Variants in IL17RD observed in about 807,000 individuals in gnomAD.
IL17RD encodes interleukin-17 receptor D.
A neutral mutation model predicts 80.5 loss-of-function variants in IL17RD; 52 were observed. The observed-to-expected ratio is 0.65, with a 90% CI of 0.52 to 0.81. IL17RD has a LOEUF of 0.81. Among genes scored for constraint, IL17RD ranks in the 40% least tolerant of loss-of-function variants. IL17RD has a pLI of 0.00. For synonymous variants in IL17RD, 416 were observed against 391.8 expected (o/e 1.06, Z -0.73); for missense variants, 1,024 against 955.1 (o/e 1.07, Z -0.95).
intron 1 of IL17RD, among the ~76,000 whole-genome samples, chr3:57,149,938 G>A (rs747548277): frequency 2.6e-4 from 39 of 152,230 alleles, no homozygotes; most frequent in Admixed American, 7.2e-4. Flanking sequence ...TGGTGTATGG[G>A]TCCACAAGTT....
chr3:57,124,792 G>A (rs188688177), intron 1 of IL17RD, among the ~76,000 whole-genome samples: 1 of 152,272 alleles, frequency 6.6e-6, no homozygotes, highest in African/African-American at 2.4e-5. Context: ...CTGCAATATG[G>A]ATAAAATAGA....
upstream of IL17RD, chr3:57,169,157 C>T (rs2060359687): frequency 2.1e-6 from 1 of 476,720 alleles, no homozygotes; most frequent in Non-Finnish European, 4.2e-6. Flanking sequence ...CTCCAGGCCA[C>T]AGTGGAGCTC....
At chr3:57,132,281 G>C (rs1210101161) in intron 1 of IL17RD, among the ~76,000 whole-genome samples, 1 of 151,762 alleles carries the variant, frequency 6.6e-6, no homozygotes, top group Non-Finnish European at 1.5e-5. Flanking sequence ...GACCAGCCTG[G>C]TCAACATGGC....
chr3:57,114,873 G>A, intron 2 of IL17RD, 56 bp from the exon 3 acceptor site: 1 of 1,404,798 alleles, frequency 7.1e-7, no homozygotes, highest in South Asian at 1.5e-5. Flanking sequence ...TTTATTTTCA[G>A]GTTCATCTTA....
At chr3:57,154,260 T>TTATA (rs751847693) in intron 1 of IL17RD, among the ~76,000 whole-genome samples, 2,531 of 128,530 alleles carry the variant, frequency 0.02, 27 homozygotes, top group Non-Finnish European at 0.027. Context: ...AAAAAAAAAA[T>TTATA]TATATATATA....
intron 2 of IL17RD, among the ~76,000 whole-genome samples, chr3:57,116,890 T>TAAAAA (rs35526728): frequency 1.5e-5 from 2 of 136,388 alleles, no homozygotes. Context: ...CCCAAAATAT[T>TAAAAA]AAAAAAAAAA....
chr3:57,165,412 C>A (rs916583329), upstream of IL17RD: 53 of 748,810 alleles, frequency 7.1e-5, no homozygotes, highest in Non-Finnish European at 9.1e-5. Context: ...GCATGCGTTG[C>A]CAGCCCGGGC....
chr3:57,093,988 T>G lies in IL17RD; in HGVS notation c.*2405A>C, dbSNP rs2107455762. 6.6e-6 allele frequency: 1 copy of G among 152,372 alleles called. No individual in the cohort carries two copies. 9.4% of individuals were successfully genotyped at this position (152,372 alleles called of 1,614,324 possible). On this transcript the variant is annotated 3_prime_UTR_variant, in exon 13 of 13. Transcript: ENST00000296318. The stretch of plus-strand genomic sequence containing the variant: ...GTTGTCTAACCTATCTACACAAGCC[T>G]TTTACTCTCAGGATCAAGGCCTCTC...
chr3:57,118,385 C>T (rs2107495885), intron 2 of IL17RD, among the ~76,000 whole-genome samples: 1 of 152,294 alleles, frequency 6.6e-6, no homozygotes, highest in South Asian at 2.1e-4. Flanking sequence ...TAGATTGTAA[C>T]CGCAACTTTT....
At chr3:57,110,704 C>A (rs960470546) in intron 3 of IL17RD, among the ~76,000 whole-genome samples, 1 of 152,232 alleles carries the variant, frequency 6.6e-6, no homozygotes, top group Non-Finnish European at 1.5e-5. Context: ...ACTAGGGAAT[C>A]CCCCAAAACC....
chr3:57,157,618 G>A lies in IL17RD; in HGVS notation c.126+7543C>T, dbSNP rs113505841. 1.0e-3 allele frequency among the ~76,000 whole-genome samples: 154 copies of A among 152,356 alleles called. 3 individuals are homozygous for A. The highest frequency in any genetic ancestry group is 3.4e-3 in the African/African-American group (143 of 41,584). On this transcript the variant is annotated intron_variant, in intron 1 of 12. Transcript: ENST00000296318. ...ACTCCAGAGGAAGGGGCCATAAACCGTCACTCAACAGAGACCACGCTCAGG... is the reference window on the plus strand; with the variant it reads ...ACTCCAGAGGAAGGGGCCATAAACCATCACTCAACAGAGACCACGCTCAGG...
chr3:57,145,233 C>G (rs6808185), intron 1 of IL17RD, among the ~76,000 whole-genome samples: 37,367 of 152,012 alleles, frequency 0.25, 5,731 homozygotes, highest in African/African-American at 0.4. Context: ...TATGGATTCA[C>G]TGATTGATTG....
rs374629547 is a variant in IL17RD, at chr3:57,098,378, C to A, written c.1325G>T (p.Arg442Leu). The change falls in exon 12 of 13, where the codon CGA becomes CTA. Residue 442 changes from arginine to leucine, a missense_variant. By Grantham distance (102) the Arg-to-Leu change is moderately radical. Coordinates refer to ENST00000296318, the MANE Select transcript of IL17RD (RefSeq NM_017563.5). ...GAAGAGCTCTCCTTTCCCCGAGCCT[C>A]GGCCACCTCCTTTGTGTTTGTAGTT... is the stretch of plus-strand genomic sequence containing the variant. ...KKNYKHKGGG[R>L]GSGKGELFLV... is the part of the protein sequence containing the mutation. 1 of 1,613,896 alleles carries A rather than the reference C, an allele frequency of 6.2e-7. No individual in the cohort carries two copies. Among genetic ancestry groups the A allele is most frequent in the Non-Finnish European group, 8.5e-7 (1 of 1,179,908 alleles).
At chr3:57,103,292 G>C (rs1159717038) in intron 8 of IL17RD, 147 bp from the exon 9 acceptor site, 1 of 653,768 alleles carries the variant, frequency 1.5e-6, no homozygotes, top group African/African-American at 1.8e-5. Context: ...GCTGAGTTTT[G>C]GAAAAGAATG....
intron 1 of IL17RD, among the ~76,000 whole-genome samples, chr3:57,127,230 AAAAATATAT>A (rs1294039387): frequency 9.2e-6 from 1 of 109,052 alleles, no homozygotes; most frequent in African/African-American, 4.4e-5. Context: ...AAATATATAT[AAAAATATAT>A]AAATATATAT....
intron 1 of IL17RD, among the ~76,000 whole-genome samples, chr3:57,143,002 G>A (rs1707859391): frequency 6.6e-6 from 1 of 152,136 alleles, no homozygotes; most frequent in Non-Finnish European, 1.5e-5. Context: ...GAAGGTAAAT[G>A]AGTGTTTCAA....
intron 1 of IL17RD, chr3:57,142,568 G>A (rs1235984266): frequency 4.1e-6 from 5 of 1,214,766 alleles, no homozygotes; most frequent in Admixed American, 2.3e-5. Context: ...AGGGAGATAG[G>A]GCCTGGCTGA....
At position 57,114,728 on chromosome 3, in the gene IL17RD, C is replaced by G. The variant is rs776819310; in HGVS notation, c.274G>C (p.Val92Leu). Residue 92 changes from valine (V) to leucine (L), a missense_variant, in exon 3 of 13, where the codon GTG (valine) becomes CTG (leucine). Val to Leu is a conservative substitution (Grantham distance 32, BLOSUM62 1). Transcript: ENST00000296318. ...TISQYACHDQVAVTILWSPGA... is the reference protein window; with the variant it reads ...TISQYACHDQLAVTILWSPGA... The stretch of plus-strand genomic sequence containing the variant: ...GGGGACCAAAGAATGGTGACTGCCA[C>G]TTGGTCATGGCAAGCATACTGGCTG... 6.8e-6 allele frequency: 11 copies of G among 1,612,260 alleles called. No individual in the cohort carries two copies. The highest frequency in any genetic ancestry group is 9.3e-6 in the Non-Finnish European group (11 of 1,179,404).
At chr3:57,146,029 T>A (rs28559910) in intron 1 of IL17RD, among the ~76,000 whole-genome samples, 3 of 136,416 alleles carry the variant, frequency 2.2e-5, no homozygotes, top group Admixed American at 1.5e-4. Context: ...ACACACACAC[T>A]CACGCGCGCG....
Sources: gnomAD v4.1 joint callset for allele counts (sites outside exome capture counted in the v4.1 genomes callset) on GRCh38, gnomAD v4.1.1 for gene constraint, MANE v1.5 for transcripts, NCBI Gene and HGNC (gene_info 2026-07-23, HGNC 2026-07-21) for gene names.